The following SPATA18 variants were observed in gnomAD, a reference collection of about 807,000 sequenced individuals.
The protein encoded by SPATA18 is spermatogenesis associated 18, also known as mitochondria-eating protein.
Under a neutral mutation model 68.1 loss-of-function variants are expected in SPATA18, and 54 were observed. The ratio of observed to expected loss-of-function variants is 0.79; its 90% CI spans 0.64 to 0.99. SPATA18 has a LOEUF of 0.99. SPATA18 is among the 50% of genes least tolerant of loss of function. SPATA18 has a pLI of 0.00. For missense variants in SPATA18, 724 were observed against 681.1 expected, an observed-to-expected ratio of 1.06 and a Z score of -0.70; for synonymous variants, 242 against 244.8, an observed-to-expected ratio of 0.99 and a Z score of 0.11.
intron 6 of SPATA18, among the ~76,000 whole-genome samples, chr4:52,074,087 T>C (rs919391775): frequency 2.0e-5 from 3 of 152,138 alleles, no homozygotes; most frequent in African/African-American, 7.2e-5. Context: ...GGGCAAGAGT[T>C]GCGATAGTTC....
At position 52,084,474 on chromosome 4, in the gene SPATA18, G is replaced by A. The variant is rs115183647; in HGVS notation, c.1480-442G>A. Among the ~76,000 whole-genome samples, 941 of 152,250 alleles carry A rather than the reference G, an allele frequency of 6.2e-3. 5 individuals carry two copies. Among genetic ancestry groups the A allele is most frequent in the Non-Finnish European group, 0.011 (755 of 68,020 alleles). ...GTTAGAAAGCAGATAGGCAGTAGTG[G>A]TGTTTTATTCATTCATCCAATGATA... is the stretch of plus-strand genomic sequence containing the variant. On this transcript the variant is annotated intron_variant, in intron 10 of 12. Transcript: ENST00000295213.
chr4:52,081,514 T>C (rs1354916660), intron 9 of SPATA18, among the ~76,000 whole-genome samples: 1 of 152,234 alleles, frequency 6.6e-6, no homozygotes, highest in Non-Finnish European at 1.5e-5. Flanking sequence ...TCTTGATCTG[T>C]GCACCTTTTA....
Position 52,095,235 on chromosome 4 carries a change from A to G in SPATA18, c.*348A>G. 3.2e-6 allele frequency: 1 copy of G among 308,012 alleles called. No homozygotes were observed. Among genetic ancestry groups the G allele is most frequent in the Non-Finnish European group, 5.9e-6 (1 of 168,706 alleles). 19.1% of individuals were successfully genotyped at this position (308,012 alleles called of 1,614,324 possible). Reference sequence around the variant, plus strand: ...GGGAACTGTGTGAACTGAAGTGGAAAGCATCTACCATGCTGAGGCTAAAAG... The same window carrying G: ...GGGAACTGTGTGAACTGAAGTGGAAGGCATCTACCATGCTGAGGCTAAAAG... On this transcript the variant is annotated 3_prime_UTR_variant, in exon 13 of 13. Coordinates refer to ENST00000295213, the MANE Select transcript of SPATA18 (RefSeq NM_145263.4).
At chr4:52,059,006 T>A (rs561717137) in intron 1 of SPATA18, among the ~76,000 whole-genome samples, 1 of 152,292 alleles carries the variant, frequency 6.6e-6, no homozygotes, top group Non-Finnish European at 1.5e-5. Flanking sequence ...ATATAATAAA[T>A]ACAAAGTGAG....
intron 11 of SPATA18, among the ~76,000 whole-genome samples, chr4:52,086,369 C>T (rs58124624): frequency 0.17 from 26,185 of 152,050 alleles, 2,588 homozygotes; most frequent in East Asian, 0.4. Context: ...ATCAACCAAT[C>T]GCCTACATTA....
chr4:52,079,745 A>G lies in SPATA18; in HGVS notation c.1181A>G (p.Asp394Gly), dbSNP rs536857646. Residue 394 changes from aspartate (D) to glycine (G), a missense_variant and splice_region_variant, in exon 9 of 13, where the codon GAT becomes GGT. Asp to Gly is a moderately conservative substitution (Grantham distance 94, BLOSUM62 -1). Transcript: ENST00000295213. Reference sequence around the variant, plus strand: ...GTGATGCCATCTTTTGTTTTTCAGGATGTGATCCGAGCCATGAATGTCAAT... The same window carrying G: ...GTGATGCCATCTTTTGTTTTTCAGGGTGTGATCCGAGCCATGAATGTCAAT... ...DLYDSQSSVN[D>G]VIRAMNVNPK... 8 of 1,613,444 alleles carry G rather than the reference A, an allele frequency of 5.0e-6. No individual in the cohort carries two copies. The highest frequency in any genetic ancestry group is 3.3e-5 in the Admixed American group (2 of 59,954).
At position 52,064,522 on chromosome 4, in the gene SPATA18, A is replaced by G. The variant is rs185830746; in HGVS notation, c.422+2190A>G. On this transcript the variant is annotated intron_variant, in intron 4 of 12. Transcript: ENST00000295213. The stretch of plus-strand genomic sequence containing the variant: ...ACTCCCACTTATAAGTGAGAACCAT[A>G]TGGTATTTGGTTTTCCATTCCTGAG... Among the ~76,000 whole-genome samples, 29 of 152,176 alleles carry G rather than the reference A, an allele frequency of 1.9e-4. No homozygotes were observed. The East Asian group carries it at 5.2e-3, about 27-fold the overall frequency.
chr4:52,094,089 C>T (rs747072888), intron 11 of SPATA18, among the ~76,000 whole-genome samples: 12 of 151,958 alleles, frequency 7.9e-5, no homozygotes, highest in Admixed American at 1.3e-4. Flanking sequence ...CTTGTGGTTC[C>T]GGTGCAGTAC....
intron 4 of SPATA18, among the ~76,000 whole-genome samples, chr4:52,066,693 C>T (rs1046145659): frequency 1.3e-5 from 2 of 152,038 alleles, no homozygotes; most frequent in Non-Finnish European, 2.9e-5. Context: ...TGTATTGTTC[C>T]CCTCCCTGTG....
At chr4:52,087,701 C>T (rs940922201) in intron 11 of SPATA18, among the ~76,000 whole-genome samples, 2 of 152,000 alleles carry the variant, frequency 1.3e-5, no homozygotes, top group Admixed American at 6.6e-5. Flanking sequence ...AGTCAGGTAG[C>T]GTGATGCCTC....
chr4:52,062,339 G>A lies in SPATA18; in HGVS notation c.422+7G>A, dbSNP rs370800867. ...GCAACCAGGTTCAAGACGAGTAAGA[G>A]GAATGCAAGTTATCTTTTTCCAAAA... is the stretch of plus-strand genomic sequence containing the variant. On this transcript the variant is annotated splice_region_variant and intron_variant, in intron 4 of 12. Transcript: ENST00000295213. 1.2e-4 allele frequency: 185 copies of A among 1,541,096 alleles called. No individual in the cohort carries two copies. The highest frequency in any genetic ancestry group is 1.4e-4 in the Non-Finnish European group (163 of 1,127,974).
rs1286564074 is a variant in SPATA18 at position 52,095,637 on chromosome 4, A to G, written c.*750A>G. 6.6e-6 allele frequency: 1 copy of G among 152,206 alleles called. No homozygotes were observed. The highest frequency in any genetic ancestry group is 2.4e-5 in the African/African-American group (1 of 41,456). 9.4% of individuals were successfully genotyped at this position (152,206 alleles called of 1,614,324 possible). A position where few individuals can be genotyped will look rare whatever the true frequency, so the allele number is the denominator to read the frequency against. The stretch of plus-strand genomic sequence containing the variant: ...GCCAGCTTTGAGATAAATGTTAATT[A>G]CCTCATGCATATCTCCTGGGAATAT... On this transcript the variant is annotated 3_prime_UTR_variant, in exon 13 of 13. Transcript: ENST00000295213.
chr4:52,062,811 T>C (rs1220569034), intron 4 of SPATA18, among the ~76,000 whole-genome samples: 1 of 152,184 alleles, frequency 6.6e-6, no homozygotes, highest in African/African-American at 2.4e-5. Flanking sequence ...TTTAGGGGTG[T>C]ATGTGTGCTT....
At position 52,084,974 on chromosome 4, in the gene SPATA18, C is replaced by A; in HGVS notation, c.1538C>A (p.Pro513His). The A allele has an allele frequency of 6.2e-7, 1 of 1,613,692 alleles. No individual in the cohort carries two copies. The highest frequency in any genetic ancestry group is 8.5e-7 in the Non-Finnish European group (1 of 1,179,880). Residue 513 changes from proline to histidine, a missense_variant, in exon 11 of 13, where the codon CCC becomes CAC. Transcript: ENST00000295213. ...CRSRSLSPIC[P>H]RSQIGLNTMS... ...AGCAGGAGTTTAAGTCCCATTTGCC[C>A]CCGTAGCCAAATTGGTTTAAACACG... is the stretch of plus-strand genomic sequence containing the variant.
intron 4 of SPATA18, among the ~76,000 whole-genome samples, 192 bp from the exon 5 acceptor site, chr4:52,069,629 T>A (rs1004483649): frequency 2.0e-5 from 3 of 152,216 alleles, no homozygotes; most frequent in African/African-American, 7.2e-5. Context: ...CAAAGGATGT[T>A]AGCATGTTTT....
chr4:52,091,357 G>A (rs1741929685), intron 11 of SPATA18, among the ~76,000 whole-genome samples: 1 of 152,104 alleles, frequency 6.6e-6, no homozygotes, highest in East Asian at 1.9e-4. Flanking sequence ...ATCCTTTGGA[G>A]GAGGAAAGGT....
chr4:52,079,697 T>A (rs755202571), intron 8 of SPATA18, 47 bp from the exon 9 acceptor site: 2 of 1,598,252 alleles, frequency 1.3e-6, no homozygotes, highest in Non-Finnish European at 1.7e-6. Context: ...GTCAGAGTGT[T>A]TTTGTCACAG....
chr4:52,062,452 G>T (rs1027292800), intron 4 of SPATA18, 120 bp downstream of exon 4: 10 of 665,626 alleles, frequency 1.5e-5, no homozygotes, highest in African/African-American at 1.1e-4. Flanking sequence ...TAAGTAATAT[G>T]ATTGTGTGTG....
intron 9 of SPATA18, among the ~76,000 whole-genome samples, chr4:52,080,839 G>A (rs182630373): frequency 2.6e-5 from 4 of 152,304 alleles, no homozygotes; most frequent in African/African-American, 7.2e-5. Context: ...TATTCACTCC[G>A]GGTTTTTGTT....
Sources: gnomAD v4.1 joint callset for allele counts (sites outside exome capture counted in the v4.1 genomes callset) on GRCh38, gnomAD v4.1.1 for gene constraint, MANE v1.5 for transcripts, NCBI Gene and HGNC (gene_info 2026-07-23, HGNC 2026-07-21) for gene names.